RGS18: variants seen among roughly 807,000 people sequenced by gnomAD.
RGS18 encodes the protein regulator of G-protein signaling 18.
Under a neutral mutation model 27.6 loss-of-function variants are expected in RGS18, and 22 were observed. That is an observed-to-expected ratio of 0.80 (90% CI 0.57 to 1.14). RGS18 has a LOEUF of 1.14. Among genes scored for constraint, RGS18 ranks in the 50% most tolerant of loss-of-function variants. RGS18 has a pLI of 0.00. For missense variants in RGS18, 299 were observed against 269.6 expected (o/e 1.11, Z -0.76); for synonymous variants, 89 against 84.6 (o/e 1.05, Z -0.29).
intron 1 of RGS18, 56 bp downstream of exon 1, chr1:192,158,812 G>T: frequency 8.5e-7 from 1 of 1,173,480 alleles, no homozygotes; most frequent in South Asian, 1.5e-5. Flanking sequence ...AATTGAGGTT[G>T]AAGATTCATT....
At chr1:192,159,139 C>A in intron 1 of RGS18, 81 bp from the exon 2 acceptor site, 3 of 953,856 alleles carry the variant, frequency 3.1e-6, no homozygotes, top group Non-Finnish European at 4.9e-6. Flanking sequence ...TTTTTACCAA[C>A]TACAAAATTT....
rs541999556 is a variant in RGS18, at chr1:192,184,803, CA to C, written c.*250del. On this transcript the variant is annotated 3_prime_UTR_variant, in exon 5 of 5. Transcript: ENST00000367460. ...AAAAACTTATTTCTTAATCAAAAGG[CA>C]GTACAAAAAAAGTAATAATGTTTTA... The C allele has an allele frequency of 1.8e-5, 7 of 388,278 alleles. No homozygotes were observed. The highest frequency in any genetic ancestry group is 3.2e-5 in the Non-Finnish European group (7 of 216,012). 24.1% of individuals were successfully genotyped at this position (388,278 alleles called of 1,614,324 possible).
intron 3 of RGS18, among the ~76,000 whole-genome samples, chr1:192,166,478 A>G (rs1656164364): frequency 6.6e-6 from 1 of 152,164 alleles, no homozygotes; most frequent in Admixed American, 6.5e-5. Flanking sequence ...TTTGTGTGTT[A>G]AAAAGATAAC....
At chr1:192,163,838 T>C (rs1656113367) in intron 3 of RGS18, among the ~76,000 whole-genome samples, 1 of 150,008 alleles carries the variant, frequency 6.7e-6, no homozygotes, top group Non-Finnish European at 1.5e-5. Context: ...TTGACTCTAG[T>C]AGAAAAGTGT....
At chr1:192,179,590 A>G (rs1656415320) in intron 3 of RGS18, among the ~76,000 whole-genome samples, 1 of 151,672 alleles carries the variant, frequency 6.6e-6, no homozygotes, top group African/African-American at 2.4e-5. Context: ...AACAAATGAT[A>G]GTATATTCAT....
In RGS18 at chr1:192,176,549, G is replaced by A. The variant is rs187315035; in HGVS notation, c.284-4743G>A. Among the ~76,000 whole-genome samples the A allele has an allele frequency of 1.3e-4, 20 of 151,588 alleles. No homozygotes were observed. In the East Asian group the frequency reaches 3.9e-3, roughly 30 times the overall value. Reference sequence around the variant, plus strand: ...TTATTTGTGGTAGGAGGACAAGCCTGGTTCCCATTACTTTGTAATGACCCT... The same window carrying A: ...TTATTTGTGGTAGGAGGACAAGCCTAGTTCCCATTACTTTGTAATGACCCT... On this transcript the variant is annotated intron_variant, in intron 3 of 4. Coordinates refer to ENST00000367460, the MANE Select transcript of RGS18 (RefSeq NM_130782.3).
At chr1:192,184,187 CT>C in intron 4 of RGS18, 109 bp from the exon 5 acceptor site, 1 of 951,412 alleles carries the variant, frequency 1.1e-6, no homozygotes, top group Non-Finnish European at 1.6e-6. Context: ...ACTATATCTG[CT>C]TCTAAGCCCA....
intron 3 of RGS18, chr1:192,163,570 C>T (rs1656109436): frequency 6.6e-6 from 1 of 152,000 alleles, no homozygotes; most frequent in Non-Finnish European, 1.5e-5. Context: ...AAACTATCTG[C>T]AATTTAAATC....
Position 192,158,494 on chromosome 1 carries a change from G to A in RGS18, c.-144G>A, listed in dbSNP as rs188764016. The A allele has an allele frequency of 7.9e-4, 519 of 654,856 alleles. No homozygotes were observed. The highest frequency in any genetic ancestry group is 1.1e-3 in the Non-Finnish European group (479 of 447,364). 40.6% of individuals were successfully genotyped at this position (654,856 alleles called of 1,614,324 possible). A position where few individuals can be genotyped will look rare whatever the true frequency, so the allele number is the denominator to read the frequency against. ...CATTTCTGCAGAGACAGAAAGAAAC[G>A]CAGCTCTTGACTTCTTTTTTGTAAA... On this transcript the variant is annotated 5_prime_UTR_variant, in exon 1 of 5. Transcript: ENST00000367460.
chr1:192,169,179 A>G (rs1216713731), intron 3 of RGS18: 1 of 152,188 alleles, frequency 6.6e-6, no homozygotes, highest in Non-Finnish European at 1.5e-5. Flanking sequence ...AATTTATTAT[A>G]ATTCTGATTG....
At chr1:192,166,711 T>C (rs987278897) in intron 3 of RGS18, among the ~76,000 whole-genome samples, 1 of 152,110 alleles carries the variant, frequency 6.6e-6, no homozygotes. Flanking sequence ...TTTATTATAA[T>C]AGGAAGATAA....
rs1238755673 is a variant in RGS18 at position 192,160,369 on chromosome 1, C to G, written c.222-9C>G. 1.9e-6 allele frequency: 3 copies of G among 1,602,680 alleles called. No individual in the cohort carries two copies. Among genetic ancestry groups the G allele is most frequent in the Admixed American group, 3.3e-5 (2 of 59,878 alleles). Reference sequence around the variant, plus strand: ...CACTCCATTATAAAACATTTTGTTTCTTGTACAGAGTCTCCCCTGAAGAGG... The same window carrying G: ...CACTCCATTATAAAACATTTTGTTTGTTGTACAGAGTCTCCCCTGAAGAGG... On this transcript the variant is annotated splice_polypyrimidine_tract_variant and intron_variant, in intron 2 of 4. Transcript: ENST00000367460.
At chr1:192,172,996 A>G (rs1397459993) in intron 3 of RGS18, among the ~76,000 whole-genome samples, 1 of 150,910 alleles carries the variant, frequency 6.6e-6, no homozygotes, top group African/African-American at 2.4e-5. Flanking sequence ...TCTGTTATAA[A>G]AATTAAATGA....
intron 3 of RGS18, chr1:192,167,903 A>G (rs1656189441): frequency 6.6e-6 from 1 of 152,232 alleles, no homozygotes; most frequent in Non-Finnish European, 1.5e-5. Context: ...ATTATATGGT[A>G]CTTGGGTTTC....
At chr1:192,180,681 C>A (rs1656436681) in intron 3 of RGS18, among the ~76,000 whole-genome samples, 1 of 151,622 alleles carries the variant, frequency 6.6e-6, no homozygotes, top group Admixed American at 6.6e-5. Context: ...GACCTACCAC[C>A]TTTTTCTCTT....
chr1:192,174,347 A>T (rs895529991), intron 3 of RGS18, among the ~76,000 whole-genome samples: 3 of 151,794 alleles, frequency 2.0e-5, no homozygotes, highest in African/African-American at 7.2e-5. Context: ...GGCTCATATT[A>T]TGAGTCTAAC....
rs189421563 is a variant in RGS18, at chr1:192,172,332, G to T, written c.284-8960G>T. On this transcript the variant is annotated intron_variant, in intron 3 of 4. Coordinates refer to ENST00000367460, the MANE Select transcript of RGS18 (RefSeq NM_130782.3). ...CAGGGGAATGGATTCGTTCCCTCGA[G>T]AGTAGGTTCTTATGAAGCCAGGCTG... is the stretch of plus-strand genomic sequence containing the variant. Among the ~76,000 whole-genome samples the T allele has an allele frequency of 4.4e-4, 67 of 152,046 alleles. No homozygotes were observed. In the East Asian group the frequency reaches 8.8e-3, roughly 20 times the overall value.
chr1:192,170,125 G>C (rs1328406044), intron 3 of RGS18, among the ~76,000 whole-genome samples: 1 of 152,136 alleles, frequency 6.6e-6, no homozygotes, highest in Non-Finnish European at 1.5e-5. Context: ...TTGTTTTTTT[G>C]TGGTGGTTTT....
At chr1:192,182,292 C>A (rs1254736676) in intron 4 of RGS18, among the ~76,000 whole-genome samples, 1 of 151,414 alleles carries the variant, frequency 6.6e-6, no homozygotes, top group African/African-American at 2.4e-5. Context: ...GGCTGCACTA[C>A]CTTACATGCC....
Sources: gnomAD v4.1 joint callset for allele counts (sites outside exome capture counted in the v4.1 genomes callset) on GRCh38, gnomAD v4.1.1 for gene constraint, MANE v1.5 for transcripts, NCBI Gene and HGNC (gene_info 2026-07-23, HGNC 2026-07-21) for gene names.